The following FER variants were observed in gnomAD, a reference collection of about 807,000 sequenced individuals.
FER encodes the protein tyrosine-protein kinase Fer.
FER carries 63 observed loss-of-function variants against 111.0 expected under a neutral mutation model. That is an observed-to-expected ratio of 0.57 (90% CI 0.46 to 0.70). The LOEUF is 0.70. Among genes scored for constraint, FER ranks in the 30% least tolerant of loss-of-function variants. FER has a pLI of 0.00. For synonymous variants in FER, 327 were observed against 313.9 expected (o/e 1.04, Z -0.44); for missense variants, 914 against 954.0 (o/e 0.96, Z 0.55).
chr5:109,146,461 C>G (rs1304131049), intron 17 of FER, among the ~76,000 whole-genome samples: 2 of 150,888 alleles, frequency 1.3e-5, no homozygotes, highest in South Asian at 2.1e-4. Context: ...TTATTATTAA[C>G]TACTAATCTT....
intron 3 of FER, among the ~76,000 whole-genome samples, chr5:108,816,844 T>C (rs1025606841): frequency 4.6e-5 from 7 of 152,044 alleles, no homozygotes; most frequent in African/African-American, 1.7e-4. Context: ...GGCTCATGCC[T>C]GTAATCCAGC....
chr5:108,900,385 A>G (rs2150335411), intron 10 of FER, among the ~76,000 whole-genome samples: 1 of 152,338 alleles, frequency 6.6e-6, no homozygotes, highest in South Asian at 2.1e-4. Context: ...TCAAAGCTTT[A>G]AATGATTTTG....
chr5:108,786,957 G>A (rs1245442768), intron 2 of FER, among the ~76,000 whole-genome samples: 2 of 152,186 alleles, frequency 1.3e-5, no homozygotes, highest in Non-Finnish European at 2.9e-5. Flanking sequence ...AGCAGCTGCT[G>A]TGGAGACGCC....
intron 17 of FER, among the ~76,000 whole-genome samples, chr5:109,101,928 G>A (rs905489143): frequency 2.6e-5 from 4 of 152,046 alleles, no homozygotes; most frequent in East Asian, 1.9e-4. Flanking sequence ...CCATTAGACC[G>A]CCTGTGGGCT....
Position 108,798,362 on chromosome 5 carries a change from A to G in FER, c.180A>G (p.Gln60=), listed in dbSNP as rs146363767. Residue 60 remains glutamine, a synonymous_variant, in exon 3 of 20, where the codon CAA becomes CAG. Transcript: ENST00000281092. ...CNQVDKESTV[Q]MNYVSNVSKS... ...AAGTTGATAAGGAAAGTACTGTCCAAATGAATTATGTCAGCAACGTATCCA... is the reference window on the plus strand; with the variant it reads ...AAGTTGATAAGGAAAGTACTGTCCAGATGAATTATGTCAGCAACGTATCCA... 12 of 1,613,482 alleles carry G rather than the reference A, an allele frequency of 7.4e-6. No homozygotes were observed. In the African/African-American group the frequency reaches 1.5e-4, roughly 20 times the overall value.
intron 5 of FER, among the ~76,000 whole-genome samples, chr5:108,858,717 A>G (rs532148077): frequency 2.0e-5 from 3 of 150,100 alleles, no homozygotes; most frequent in East Asian, 3.9e-4. Flanking sequence ...TTCTCCATTG[A>G]TAATGCATCT....
chr5:108,900,687 T>TCTTCGGTGGTGAATG (rs1749881429), intron 10 of FER, among the ~76,000 whole-genome samples: 1 of 152,198 alleles, frequency 6.6e-6, no homozygotes, highest in African/African-American at 2.4e-5. Context: ...AAATACCGAC[T>TCTTCGGTGGTGAATG]CTTCGGTGGT....
At chr5:109,158,378 G>C (rs1226610707) in intron 17 of FER, among the ~76,000 whole-genome samples, 1 of 152,028 alleles carries the variant, frequency 6.6e-6, no homozygotes, top group Non-Finnish European at 1.5e-5. Flanking sequence ...ACTCCAGCCT[G>C]GGTGACAGAG....
rs188935100 is a variant in FER at position 109,194,822 on chromosome 5, G to A, written c.*7247G>A. On this transcript the variant is annotated 3_prime_UTR_variant, in exon 20 of 20. Coordinates refer to ENST00000281092, the MANE Select transcript of FER (RefSeq NM_005246.4). ...ATCCAAAGTCATTTTTCATATAGCT[G>A]TTGTCAAATAGTATAACCTTGGTGT... is the stretch of plus-strand genomic sequence containing the variant. The A allele has an allele frequency of 6.9e-6, 1 of 145,178 alleles. No individual in the cohort carries two copies. Among genetic ancestry groups the A allele is most frequent in the Non-Finnish European group, 1.6e-5 (1 of 64,476 alleles). 9.0% of individuals were successfully genotyped at this position (145,178 alleles called of 1,614,324 possible).
At chr5:108,771,242 G>T (rs1752867690) in intron 2 of FER, among the ~76,000 whole-genome samples, 1 of 152,070 alleles carries the variant, frequency 6.6e-6, no homozygotes, top group South Asian at 2.1e-4. Context: ...CCCCTCTGAA[G>T]AATTTTTAAG....
At chr5:109,019,250 A>G (rs748632706) in intron 13 of FER, among the ~76,000 whole-genome samples, 8 of 151,724 alleles carry the variant, frequency 5.3e-5, no homozygotes, top group Non-Finnish European at 7.4e-5. Context: ...TTCTTATGTG[A>G]TTATGTCATA....
intron 3 of FER, among the ~76,000 whole-genome samples, chr5:108,805,248 C>T (rs745485676): frequency 6.6e-5 from 10 of 152,066 alleles, no homozygotes; most frequent in Admixed American, 2.0e-4. Flanking sequence ...TTTTGCCTGC[C>T]GTCATCCACA....
At chr5:109,035,620 A>G (rs1312848484) in intron 13 of FER, among the ~76,000 whole-genome samples, 4 of 152,106 alleles carry the variant, frequency 2.6e-5, no homozygotes, top group African/African-American at 7.2e-5. Context: ...CTTTTTGTGG[A>G]TATGTTTTCA....
intron 3 of FER, among the ~76,000 whole-genome samples, chr5:108,817,177 A>G (rs942421127): frequency 6.8e-6 from 1 of 147,692 alleles, no homozygotes; most frequent in Non-Finnish European, 1.5e-5. Context: ...GTTGTGAACC[A>G]CTAGTCCAGG....
At chr5:109,139,210 A>G (rs1266467750) in intron 17 of FER, among the ~76,000 whole-genome samples, 3 of 152,068 alleles carry the variant, frequency 2.0e-5, no homozygotes, top group African/African-American at 7.2e-5. Context: ...TTTCTTTAAT[A>G]TTGTCTATCA....
chr5:108,748,179 TTC>T (rs1392206131), intron 1 of FER, among the ~76,000 whole-genome samples, 179 bp downstream of exon 1: 8 of 152,212 alleles, frequency 5.3e-5, no homozygotes, highest in Non-Finnish European at 1.0e-4. Flanking sequence ...CTGAAAACCA[TTC>T]TAAAGCAATC....
chr5:108,872,305 G>A, intron 8 of FER, 93 bp downstream of exon 8: 1 of 1,210,350 alleles, frequency 8.3e-7, no homozygotes, highest in South Asian at 1.8e-5. Flanking sequence ...ATTTTTACAA[G>A]TATTGAACAG....
chr5:108,811,809 G>T (rs13171190), intron 3 of FER, among the ~76,000 whole-genome samples: 9,864 of 152,194 alleles, frequency 0.065, 356 homozygotes, highest in Non-Finnish European at 0.075. Flanking sequence ...TCTGATGCTC[G>T]AGGGCAGGAG....
At chr5:109,076,375 C>T (rs1776342274) in intron 16 of FER, among the ~76,000 whole-genome samples, 1 of 151,964 alleles carries the variant, frequency 6.6e-6, no homozygotes, top group South Asian at 2.1e-4. Context: ...ACTTCCTTGC[C>T]CACTGGATAA....
Sources: allele counts gnomAD v4.1 joint callset (sites outside exome capture counted in the v4.1 genomes callset), GRCh38; gene constraint gnomAD v4.1.1; transcripts MANE v1.5; gene names NCBI Gene and HGNC (gene_info 2026-07-23, HGNC 2026-07-21).